Variants in ADAMTS12 observed in about 807,000 individuals in gnomAD.
The protein encoded by ADAMTS12 is ADAM metallopeptidase with thrombospondin type 1 motif 12.
In ADAMTS12, 118 loss-of-function variants were observed where a neutral mutation model predicts 167.8. That is an observed-to-expected ratio of 0.70 (90% CI 0.61 to 0.82). The LOEUF is 0.82. Ranked by LOEUF, ADAMTS12 falls within the 40% of genes least tolerant of loss-of-function variation. The pLI, the probability that ADAMTS12 is intolerant of heterozygous loss-of-function variation, is 0.00. For synonymous variants in ADAMTS12, 704 were observed against 716.9 expected, an observed-to-expected ratio of 0.98 and a Z score of 0.29; for missense variants, 1,916 against 1,998.8, an observed-to-expected ratio of 0.96 and a Z score of 0.79.
chr5:33,679,800 T>A (rs540615746), intron 5 of ADAMTS12, among the ~76,000 whole-genome samples: 1 of 152,288 alleles, frequency 6.6e-6, no homozygotes, highest in East Asian at 1.9e-4. Context: ...GACATATGCC[T>A]GATGTTCCAC....
At chr5:33,823,782 G>A (rs529525051) in intron 2 of ADAMTS12, among the ~76,000 whole-genome samples, 33 of 151,708 alleles carry the variant, frequency 2.2e-4, no homozygotes, top group East Asian at 1.6e-3. Context: ...TCGTTAATCC[G>A]TTTCAGAATG....
intron 20 of ADAMTS12, among the ~76,000 whole-genome samples, chr5:33,552,073 A>G (rs1745273369): frequency 1.3e-5 from 2 of 152,212 alleles, no homozygotes; most frequent in Non-Finnish European, 2.9e-5. Flanking sequence ...ACATCACTAC[A>G]TCAGTTTGTT....
At chr5:33,549,445 C>A in intron 20 of ADAMTS12, 62 bp from the exon 21 acceptor site, 1 of 1,565,944 alleles carries the variant, frequency 6.4e-7, no homozygotes, top group Non-Finnish European at 8.7e-7. Context: ...TCCCTTCCTT[C>A]CCCTCAGCCG....
At chr5:33,767,031 G>A (rs1010658716) in intron 2 of ADAMTS12, among the ~76,000 whole-genome samples, 2 of 152,062 alleles carry the variant, frequency 1.3e-5, no homozygotes, top group Admixed American at 1.3e-4. Flanking sequence ...ATGAATACTA[G>A]GAAACAAACT....
chr5:33,798,000 A>T (rs990186089), intron 2 of ADAMTS12, among the ~76,000 whole-genome samples: 1 of 152,258 alleles, frequency 6.6e-6, no homozygotes, highest in Non-Finnish European at 1.5e-5. Context: ...GCCTCTTGGT[A>T]GGTAAGACAT....
chr5:33,546,124 G>T lies in ADAMTS12; in HGVS notation c.4381C>A (p.Pro1461Thr), dbSNP rs760505608. The T allele has an allele frequency of 5.6e-6, 9 of 1,614,004 alleles. No homozygotes were observed. Among genetic ancestry groups the T allele is most frequent in the Non-Finnish European group, 7.6e-6 (9 of 1,179,986 alleles). Reference protein sequence around the residue: ...PGGLCDWTKRPTSTMSCNEHL... With the variant: ...PGGLCDWTKRTTSTMSCNEHL... ...TCATTGCAAGACATGGTGGATGTGG[G>T]TCTTTTTGTCCAATCACAGAGGCCT... is the stretch of plus-strand genomic sequence containing the variant. The change falls in exon 22 of 24, where the codon CCC (proline) becomes ACC (threonine). Residue 1461 changes from proline to threonine, a missense_variant. By Grantham distance (38) the Pro-to-Thr change is conservative. Coordinates refer to ENST00000504830, the MANE Select transcript of ADAMTS12 (RefSeq NM_030955.4).
rs372986935 is a variant in ADAMTS12, at chr5:33,683,044, G to A, written c.889C>T (p.Arg297Trp). 1.3e-5 allele frequency: 21 copies of A among 1,612,950 alleles called. No individual in the cohort carries two copies. The highest frequency in any genetic ancestry group is 1.8e-5 in the Non-Finnish European group (21 of 1,179,558). Residue 297 changes from arginine to tryptophan, a missense_variant, in exon 5 of 24, where the codon CGG (arginine) becomes TGG (tryptophan). Physicochemically the swap from Arg to Trp is moderately radical, Grantham distance 101. Coordinates refer to ENST00000504830, the MANE Select transcript of ADAMTS12 (RefSeq NM_030955.4). The stretch of plus-strand genomic sequence containing the variant: ...TCTTCTTCTTCGAGTAGAATGAGCC[G>A]AACCACAACAATGTGAATTGCATTG... Reference protein sequence around the residue: ...IGNAIHIVVVRLILLEEEEQG... With the variant: ...IGNAIHIVVVWLILLEEEEQG...
chr5:33,771,408 A>C (rs16891684), intron 2 of ADAMTS12, among the ~76,000 whole-genome samples: 2,386 of 152,312 alleles, frequency 0.016, 91 homozygotes, highest in East Asian at 0.14. Flanking sequence ...TCAAAGAAAA[A>C]TGAGGTCACA....
At chr5:33,630,736 T>A in intron 13 of ADAMTS12, 44 bp downstream of exon 13, 1 of 1,571,936 alleles carries the variant, frequency 6.4e-7, no homozygotes, top group Non-Finnish European at 8.7e-7. Flanking sequence ...TTAGTAAAAG[T>A]CATGATTTTA....
At chr5:33,706,118 T>C (rs1449219530) in intron 3 of ADAMTS12, among the ~76,000 whole-genome samples, 1 of 152,018 alleles carries the variant, frequency 6.6e-6, no homozygotes, top group Non-Finnish European at 1.5e-5. Context: ...AGAAAAACAA[T>C]CTTGAAAGTT....
At chr5:33,618,299 C>T (rs1458839672) in intron 14 of ADAMTS12, among the ~76,000 whole-genome samples, 1 of 152,148 alleles carries the variant, frequency 6.6e-6, no homozygotes, top group Admixed American at 6.5e-5. Context: ...GTTGATTTTT[C>T]TCTCAGGTAG....
chr5:33,785,583 A>T (rs1345967510), intron 2 of ADAMTS12, among the ~76,000 whole-genome samples: 1 of 152,204 alleles, frequency 6.6e-6, no homozygotes, highest in Non-Finnish European at 1.5e-5. Context: ...ATCATTAATT[A>T]TCAGGGAAAT....
chr5:33,803,779 C>T (rs1747111168), intron 2 of ADAMTS12, among the ~76,000 whole-genome samples: 1 of 152,126 alleles, frequency 6.6e-6, no homozygotes, highest in South Asian at 2.1e-4. Context: ...AGGGGAACTG[C>T]CCTTTTATAA....
chr5:33,644,324 T>C (rs2112178896), intron 9 of ADAMTS12, among the ~76,000 whole-genome samples: 1 of 152,342 alleles, frequency 6.6e-6, no homozygotes, highest in African/African-American at 2.4e-5. Context: ...TCTTGTTGTA[T>C]ATGAAAACCG....
chr5:33,535,234 G>T (rs1744332014), intron 22 of ADAMTS12, among the ~76,000 whole-genome samples: 1 of 152,194 alleles, frequency 6.6e-6, no homozygotes, highest in Non-Finnish European at 1.5e-5. Flanking sequence ...TCTGCAGAAC[G>T]TGCTCCTTTT....
chr5:33,643,299 C>A, intron 10 of ADAMTS12, 79 bp downstream of exon 10: 2 of 1,458,480 alleles, frequency 1.4e-6, no homozygotes, highest in South Asian at 2.3e-5. Context: ...GAGAGTTGCC[C>A]TCTAGGGCCT....
At chr5:33,837,526 TC>T (rs1748579328) in intron 2 of ADAMTS12, among the ~76,000 whole-genome samples, 1 of 152,244 alleles carries the variant, frequency 6.6e-6, no homozygotes, top group African/African-American at 2.4e-5. Flanking sequence ...TGAAAATCCT[TC>T]ATTTCTTGCA....
At chr5:33,879,639 A>G (rs2277010) in intron 2 of ADAMTS12, among the ~76,000 whole-genome samples, 71,241 of 152,076 alleles carry the variant, frequency 0.47, 18,636 homozygotes, top group African/African-American at 0.69. Context: ...TCTAATTAGG[A>G]GGAAACGATA....
chr5:33,804,838 A>G (rs1461926843), intron 2 of ADAMTS12, among the ~76,000 whole-genome samples: 1 of 152,182 alleles, frequency 6.6e-6, no homozygotes, highest in African/African-American at 2.4e-5. Context: ...TTACCAGCCT[A>G]AGAGTAAGGA....
Sources: gnomAD v4.1 joint callset for allele counts (sites outside exome capture counted in the v4.1 genomes callset) on GRCh38, gnomAD v4.1.1 for gene constraint, MANE v1.5 for transcripts, NCBI Gene and HGNC (gene_info 2026-07-23, HGNC 2026-07-21) for gene names.